NCOR2: variants seen among roughly 807,000 people sequenced by gnomAD.
NCOR2 encodes nuclear receptor corepressor 2, also known as CTG repeat protein 26.
In NCOR2, 81 loss-of-function variants were observed where a neutral mutation model predicts 262.9. The ratio of observed to expected loss-of-function variants is 0.31; its 90% CI spans 0.26 to 0.37. The LOEUF is 0.37. NCOR2 is among the 10% of genes least tolerant of loss of function. NCOR2 has a pLI of 1.00. For synonymous variants in NCOR2, 1,659 were observed against 1,559.3 expected (o/e 1.06, Z -1.51); for missense variants, 3,385 against 3,621.4 (o/e 0.93, Z 1.68).
At chr12:124,466,148 A>G in intron 5 of NCOR2, 25 bp downstream of exon 7, 1 of 1,584,780 alleles carries the variant, frequency 6.3e-7, no homozygotes. Flanking sequence ...ACCGGGGGGC[A>G]GCAGGCCAGG....
chr12:124,476,357 G>A (rs1346533653), intron 3 of NCOR2, among the ~76,000 whole-genome samples: 1 of 152,146 alleles, frequency 6.6e-6, no homozygotes, highest in Non-Finnish European at 1.5e-5. Flanking sequence ...AGCAAACATG[G>A]CACCCAGAGC....
intron 16 of NCOR2, among the ~76,000 whole-genome samples, chr12:124,393,051 C>T (rs949416838): frequency 5.9e-5 from 9 of 152,212 alleles, no homozygotes; most frequent in Admixed American, 5.2e-4. Flanking sequence ...ATGGTGTGAC[C>T]GGGAGCCTCC....
In NCOR2 at chr12:124,346,853, G is replaced by T; in HGVS notation, c.4073-3C>A. On this transcript the variant is annotated splice_region_variant and splice_polypyrimidine_tract_variant and intron_variant, in intron 30 of 46. Transcript: ENST00000405201. ...CTCCACGTAGGACCGAGGGATCCCT[G>T]CCGGGCCGACAGCACTGACCCTCAC... The T allele has an allele frequency of 1.3e-6, 2 of 1,564,274 alleles. No homozygotes were observed. The highest frequency in any genetic ancestry group is 8.6e-7 in the Non-Finnish European group (1 of 1,156,864).
chr12:124,342,801 A>G (rs557669302), intron 33 of NCOR2, among the ~76,000 whole-genome samples: 1 of 152,184 alleles, frequency 6.6e-6, no homozygotes, highest in Non-Finnish European at 1.5e-5. Flanking sequence ...GTTTAACCCC[A>G]CATGTCCTGC....
At chr12:124,330,993 C>T in intron 43 of NCOR2, 95 bp from the exon 46 acceptor site, 2 of 1,328,448 alleles carry the variant, frequency 1.5e-6, no homozygotes, top group Non-Finnish European at 2.1e-6. Flanking sequence ...GTGCTGGCAT[C>T]ACCTGGGGAA....
At chr12:124,401,642 G>T (rs549864354) in intron 14 of NCOR2, among the ~76,000 whole-genome samples, 1 of 152,232 alleles carries the variant, frequency 6.6e-6, no homozygotes, top group Non-Finnish European at 1.5e-5. Context: ...TGGTGTGTGG[G>T]GGTGCTCACA....
exon 47 of NCOR2, chr12:124,325,192 G>A (rs894535890): frequency 2.3e-5 from 9 of 388,962 alleles, no homozygotes; most frequent in Non-Finnish European, 4.1e-5. Context: ...CCTGAGTAAG[G>A]TCTGCACAGG....
exon 20 of NCOR2, chr12:124,372,541 C>T (rs1483837310): frequency 1.9e-6 from 3 of 1,597,416 alleles, no homozygotes; most frequent in South Asian, 2.2e-5. Flanking sequence ...CCCATTCTGC[C>T]CTGTGTCCTT....
chr12:124,485,411 C>T (rs1241949956), intron 2 of NCOR2, among the ~76,000 whole-genome samples: 2 of 152,258 alleles, frequency 1.3e-5, no homozygotes, highest in African/African-American at 4.8e-5. Flanking sequence ...GATGCAGCCA[C>T]AGCTGAGGAA....
At chr12:124,332,874 C>G (rs1677673748) in intron 42 of NCOR2, among the ~76,000 whole-genome samples, 1 of 152,156 alleles carries the variant, frequency 6.6e-6, no homozygotes, top group Admixed American at 6.5e-5. Flanking sequence ...AGAGGTTCAA[C>G]AGGGGCTGTC....
chr12:124,538,170 C>A, upstream of NCOR2: 1 of 152,740 alleles, frequency 6.5e-6, no homozygotes, highest in Non-Finnish European at 1.5e-5. Context: ...GCCAGCTCAG[C>A]CTGCAATCCC....
At chr12:124,426,590 C>A in intron 11 of NCOR2, 32 bp downstream of exon 13, 1 of 1,535,360 alleles carries the variant, frequency 6.5e-7, no homozygotes, top group Non-Finnish European at 8.8e-7. Context: ...GGTGGGGGGC[C>A]GGGAGGCCAG....
intron 16 of NCOR2, among the ~76,000 whole-genome samples, chr12:124,386,589 C>T (rs1400406045): frequency 6.6e-6 from 1 of 152,212 alleles, no homozygotes; most frequent in African/African-American, 2.4e-5. Flanking sequence ...AGGAGGTTCT[C>T]TCAGCCTCAC....
At chr12:124,495,444 G>C, upstream of NCOR2, 2 of 1,170,470 alleles carry the variant, frequency 1.7e-6, no homozygotes, top group Non-Finnish European at 1.2e-6. The surrounding 1 kb of genome is among the most constrained non-coding windows in gnomAD (Gnocchi z 4.4). Context: ...TCCCCGAGTC[G>C]TTCCTGTGGT....
intron 18 of NCOR2, among the ~76,000 whole-genome samples, chr12:124,375,234 ACAGT>A (rs528106357): frequency 1.3e-5 from 2 of 152,194 alleles, no homozygotes; most frequent in African/African-American, 4.8e-5. Context: ...CCTTCCTTCC[ACAGT>A]CAGAGTACAG....
At chr12:124,329,366 T>C (rs985212310) in intron 44 of NCOR2, among the ~76,000 whole-genome samples, 1 of 149,904 alleles carries the variant, frequency 6.7e-6, no homozygotes, top group Non-Finnish European at 1.5e-5. Flanking sequence ...GAGGCTGAGG[T>C]GGAAGAACTG....
chr12:124,466,083 T>C, intron 5 of NCOR2, 90 bp downstream of exon 7: 1 of 1,268,464 alleles, frequency 7.9e-7, no homozygotes, highest in Non-Finnish European at 1.1e-6. Context: ...CCCACATAGA[T>C]GGAAACACTG....
chr12:124,533,856 C>T (rs2050980449), intron 1 of NCOR2, among the ~76,000 whole-genome samples: 1 of 152,034 alleles, frequency 6.6e-6, no homozygotes, highest in Admixed American at 6.5e-5. Flanking sequence ...CGTCCAACCC[C>T]GGCCCAGGAT....
intron 1 of NCOR2, among the ~76,000 whole-genome samples, chr12:124,550,046 C>T (rs1228973234): frequency 6.6e-6 from 1 of 152,164 alleles, no homozygotes; most frequent in African/African-American, 2.4e-5. Flanking sequence ...CCCAGAGGAC[C>T]GCAGGCAATG....
Sources: allele counts gnomAD v4.1 joint callset (sites outside exome capture counted in the v4.1 genomes callset), GRCh38; gene constraint gnomAD v4.1.1; non-coding constraint Gnocchi (gnomAD v3.1); transcripts MANE v1.5; gene names NCBI Gene and HGNC (gene_info 2026-07-23, HGNC 2026-07-21).